STUM: variants seen among roughly 807,000 people sequenced by gnomAD.
The protein encoded by STUM is stum, mechanosensory transduction mediator homolog.
STUM carries 8 observed loss-of-function variants against 15.3 expected under a neutral mutation model. The ratio of observed to expected loss-of-function variants is 0.52; its 90% CI spans 0.31 to 0.94. The LOEUF is 0.94. Ranked by LOEUF, STUM falls within the 40% of genes least tolerant of loss-of-function variation. STUM has a pLI of 0.05. For synonymous variants in STUM, 78 were observed against 88.7 expected, an observed-to-expected ratio of 0.88 and a Z score of 0.68; for missense variants, 142 against 204.9, an observed-to-expected ratio of 0.69 and a Z score of 1.87.
At chr1:226,585,033 A>G (rs1338087192) in intron 1 of STUM, among the ~76,000 whole-genome samples, 2 of 152,126 alleles carry the variant, frequency 1.3e-5, no homozygotes, top group Non-Finnish European at 2.9e-5. Flanking sequence ...GTGTAAGCTC[A>G]CTCGAAGCAC....
chr1:226,569,366 C>T (rs1204696223), intron 1 of STUM, among the ~76,000 whole-genome samples: 1 of 152,194 alleles, frequency 6.6e-6, no homozygotes, highest in Non-Finnish European at 1.5e-5. Flanking sequence ...GCCCAATGCT[C>T]TGTGACCCAG....
At chr1:226,597,748 A>T (rs1245972827) in intron 2 of STUM, among the ~76,000 whole-genome samples, 1 of 152,272 alleles carries the variant, frequency 6.6e-6, no homozygotes, top group Non-Finnish European at 1.5e-5. Flanking sequence ...AGATGCAGGT[A>T]GATGCAGAGC....
chr1:226,548,932 ACGGCGGCGGCGG>A lies in STUM; in HGVS notation c.38_49del (p.Ala13_Ala16del), dbSNP rs759835997. 3.8e-5 allele frequency: 55 copies of A among 1,443,348 alleles called. No homozygotes were observed. The highest frequency in any genetic ancestry group is 8.9e-5 in the East Asian group (3 of 33,668). 89.4% of individuals were successfully genotyped at this position (1,443,348 alleles called of 1,614,324 possible). Reference sequence around the variant, plus strand: ...GGAGCCCTCGCACAAAGACGCCGAGACGGCGGCGGCGGCGGCGGCGGTGGCGGCGGCGGACCC... The same window carrying A: ...GGAGCCCTCGCACAAAGACGCCGAGACGGCGGCGGTGGCGGCGGCGGACCC... On this transcript the variant is annotated inframe_deletion, in exon 1 of 4. Coordinates refer to ENST00000366788, the MANE Select transcript of STUM (RefSeq NM_001003665.4).
At position 226,588,453 on chromosome 1, in the gene STUM, C is replaced by T. The variant is rs192070006; in HGVS notation, c.203-8349C>T. 2.0e-3 allele frequency among the ~76,000 whole-genome samples: 303 copies of T among 152,302 alleles called. 1 individual carries two copies. Among genetic ancestry groups the T allele is most frequent in the African/African-American group, 7.0e-3 (291 of 41,562 alleles). ...TGCTCCATTTCTTGAGAAAACAGAA[C>T]CCAAAAGAGTTGCCATGAAGAGCAT... is the stretch of plus-strand genomic sequence containing the variant. On this transcript the variant is annotated intron_variant, in intron 1 of 3. Transcript: ENST00000366788.
rs746342425 is a variant in STUM at position 226,596,853 on chromosome 1, C to G, written c.254C>G (p.Pro85Arg). 1.2e-6 allele frequency: 2 copies of G among 1,614,116 alleles called. No homozygotes were observed. Among genetic ancestry groups the G allele is most frequent in the Non-Finnish European group, 1.7e-6 (2 of 1,180,048 alleles). Residue 85 changes from proline (P) to arginine (R), a missense_variant, in exon 2 of 4, where the codon CCG (proline) becomes CGG (arginine). Pro to Arg is a moderately radical substitution (Grantham distance 103). Transcript: ENST00000366788. Reference sequence around the variant, plus strand: ...CTGTGCGGGGCCCGCACCGACCTCCCGGACAGGCATGTGTGCTGCGTCTTC... The same window carrying G: ...CTGTGCGGGGCCCGCACCGACCTCCGGGACAGGCATGTGTGCTGCGTCTTC... ...TVLCGARTDL[P>R]DRHVCCVFWL...
intron 1 of STUM, among the ~76,000 whole-genome samples, chr1:226,554,624 A>C (rs1667419965): frequency 6.6e-6 from 1 of 152,170 alleles, no homozygotes; most frequent in African/African-American, 2.4e-5. Flanking sequence ...ATTTGATAAA[A>C]CATGAAAAAG....
chr1:226,554,610 C>A (rs1460492230), intron 1 of STUM, among the ~76,000 whole-genome samples: 2 of 152,134 alleles, frequency 1.3e-5, no homozygotes, highest in African/African-American at 4.8e-5. Context: ...TAGGTAATGT[C>A]TGAATTTGAT....
intron 1 of STUM, among the ~76,000 whole-genome samples, chr1:226,594,408 G>A (rs529998488): frequency 2.0e-5 from 3 of 152,326 alleles, no homozygotes; most frequent in Non-Finnish European, 4.4e-5. Flanking sequence ...AGAATCGAAC[G>A]TGAGGAATGT....
At chr1:226,557,600 T>C (rs1667466796) in intron 1 of STUM, among the ~76,000 whole-genome samples, 1 of 152,322 alleles carries the variant, frequency 6.6e-6, no homozygotes, top group South Asian at 2.1e-4. Flanking sequence ...TCACCAACAG[T>C]GTACAAGGGT....
At chr1:226,566,739 A>G (rs1443030109) in intron 1 of STUM, among the ~76,000 whole-genome samples, 1 of 152,228 alleles carries the variant, frequency 6.6e-6, no homozygotes, top group Non-Finnish European at 1.5e-5. Context: ...CCACCATGTC[A>G]CAAAACACAT....
chr1:226,560,751 G>A (rs1457669499), intron 1 of STUM, among the ~76,000 whole-genome samples: 2 of 152,294 alleles, frequency 1.3e-5, no homozygotes, highest in African/African-American at 4.8e-5. Context: ...CAGAATGGCT[G>A]TGGTATAATG....
At position 226,607,180 on chromosome 1, in the gene STUM, G is replaced by A. The variant is rs1668375489; in HGVS notation, c.*5140G>A. The A allele has an allele frequency of 6.6e-6, 1 of 152,258 alleles. No individual in the cohort carries two copies. Among genetic ancestry groups the A allele is most frequent in the South Asian group, 2.1e-4 (1 of 4,838 alleles). 9.4% of individuals were successfully genotyped at this position (152,258 alleles called of 1,614,324 possible). ...GCTCAGCCTGAGCAGGTGGGTGCAA[G>A]GCTCAGGGGCCTGTGTTTTTCATCA... On this transcript the variant is annotated 3_prime_UTR_variant, in exon 4 of 4. Coordinates refer to ENST00000366788, the MANE Select transcript of STUM (RefSeq NM_001003665.4).
intron 1 of STUM, among the ~76,000 whole-genome samples, chr1:226,576,987 C>T (rs945005155): frequency 6.6e-6 from 1 of 152,232 alleles, no homozygotes; most frequent in Non-Finnish European, 1.5e-5. Flanking sequence ...CCTTAGTGAC[C>T]ACCGCTGCTC....
In STUM at chr1:226,579,311, C is replaced by T. The variant is rs150290007; in HGVS notation, c.203-17491C>T. 9.4e-3 allele frequency among the ~76,000 whole-genome samples: 1,430 copies of T among 152,308 alleles called. 30 individuals are homozygous for T. Among genetic ancestry groups the T allele is most frequent in the South Asian group, 0.091 (439 of 4,828 alleles). ...GGGGCATGGGGATGCCAGTCCATCA[C>T]GATAAGGGATGCCAGCTCCCAACAC... On this transcript the variant is annotated intron_variant, in intron 1 of 3. Coordinates refer to ENST00000366788, the MANE Select transcript of STUM (RefSeq NM_001003665.4).
intron 1 of STUM, among the ~76,000 whole-genome samples, chr1:226,582,443 A>C (rs183325857): frequency 6.6e-4 from 100 of 152,198 alleles, no homozygotes; most frequent in African/African-American, 2.3e-3. Flanking sequence ...AAAGTACAAA[A>C]AATTAGCTGG....
intron 1 of STUM, among the ~76,000 whole-genome samples, chr1:226,583,861 C>G (rs1337921031): frequency 2.0e-5 from 3 of 152,162 alleles, no homozygotes; most frequent in African/African-American, 7.2e-5. Flanking sequence ...CTTTAGGATT[C>G]TAGATGCTAA....
rs918782303 is a variant in STUM at position 226,600,573 on chromosome 1, C to A, written c.383-93C>A. 2.7e-6 allele frequency: 4 copies of A among 1,487,012 alleles called. No homozygotes were observed. The highest frequency in any genetic ancestry group is 2.8e-5 in the African/African-American group (2 of 72,500). The allele number at this position is 1,487,012 out of a possible 1,614,324, so 92.1% of individuals were successfully genotyped here. On this transcript the variant is annotated intron_variant, in intron 2 of 3. Transcript: ENST00000366788. This position sits in a 1 kb window ranked among gnomAD's most constrained non-coding sequence, Gnocchi z 5.2. ...CATGGATCTGCTTTGTTTCCTGTGC[C>A]AAGCGTTCCCTGTGGCTCTGTTTTC... is the stretch of plus-strand genomic sequence containing the variant.
In STUM at chr1:226,565,707, C is replaced by A. The variant is rs1251894397; in HGVS notation, c.202+16601C>A. ...GCTCCTGCCTGGGTAGTTCTGCATA[C>A]CCCCCATCCTCCCGTCTCTCGCCCA... On this transcript the variant is annotated intron_variant, in intron 1 of 3. Transcript: ENST00000366788. The surrounding 1 kb of genome is among the most constrained non-coding windows in gnomAD (Gnocchi z 4.4). Among the ~76,000 whole-genome samples, 1 of 152,124 alleles carries A rather than the reference C, an allele frequency of 6.6e-6. No individual in the cohort carries two copies. The highest frequency in any genetic ancestry group is 2.4e-5 in the African/African-American group (1 of 41,428).
In STUM at chr1:226,548,770, C is replaced by T; in HGVS notation, c.-135C>T. On this transcript the variant is annotated 5_prime_UTR_variant, in exon 1 of 4. Transcript: ENST00000366788. ...CCGGAGGGCGGGAGTCTCCGCGAGC[C>T]GCGCGGCGCACGGAGCACGGCGGCC... 1 of 666,502 alleles carries T rather than the reference C, an allele frequency of 1.5e-6. No homozygotes were observed. Among genetic ancestry groups the T allele is most frequent in the Non-Finnish European group, 2.0e-6 (1 of 488,234 alleles). The allele number at this position is 666,502 out of a possible 1,614,324, so 41.3% of individuals were successfully genotyped here.
Sources: allele counts gnomAD v4.1 joint callset (sites outside exome capture counted in the v4.1 genomes callset), GRCh38; gene constraint gnomAD v4.1.1; non-coding constraint Gnocchi (gnomAD v3.1); transcripts MANE v1.5; gene names NCBI Gene and HGNC (gene_info 2026-07-23, HGNC 2026-07-21).